Variants in UNC13C observed in about 807,000 individuals in gnomAD.
The protein encoded by UNC13C is protein unc-13 homolog C.
UNC13C carries 174 observed loss-of-function variants against 245.4 expected under a neutral mutation model. The observed-to-expected ratio is 0.71, with a 90% CI of 0.63 to 0.80. The LOEUF (loss-of-function observed/expected upper bound fraction) is 0.80, where lower values mean the gene tolerates loss of function less well. Among genes scored for constraint, UNC13C ranks in the 30% least tolerant of loss-of-function variants. The probability of loss-of-function intolerance (pLI) is 0.00; values close to 1 mark genes in which losing one functional copy is unlikely to be tolerated. For missense variants in UNC13C, 2,829 were observed against 2,602.9 expected, an observed-to-expected ratio of 1.09 and a Z score of -1.89; for synonymous variants, 992 against 895.1, an observed-to-expected ratio of 1.11 and a Z score of -1.93.
rs776138643 is a variant in UNC13C, at chr15:54,626,982, C to CTGAAAAATATCTCTATGGA, written c.6520_6538dup (p.Thr2180LysfsTer6). ...AAGCTATGGGGCATGGTATCCTCTTCTGAAAAATATCTCTATGGATGAAAC... is the reference window on the plus strand; with the variant it reads ...AAGCTATGGGGCATGGTATCCTCTTCTGAAAAATATCTCTATGGATGAAAAATATCTCTATGGATGAAAC... On this transcript the variant is annotated frameshift_variant, in exon 33 of 33. Transcript: ENST00000260323. LOFTEE classifies it high-confidence loss of function. The CTGAAAAATATCTCTATGGA allele has an allele frequency of 6.2e-7, 1 of 1,613,400 alleles. No individual in the cohort carries two copies. The highest frequency in any genetic ancestry group is 1.1e-5 in the South Asian group (1 of 91,068).
chr15:54,566,209 C>A (rs1304162470), intron 29 of UNC13C, among the ~76,000 whole-genome samples: 1 of 151,984 alleles, frequency 6.6e-6, no homozygotes, highest in Admixed American at 6.6e-5. Flanking sequence ...GAGTCAAGAC[C>A]AATCTATATT....
At chr15:54,509,325 T>A (rs1566878160) in intron 23 of UNC13C, among the ~76,000 whole-genome samples, 1 of 152,246 alleles carries the variant, frequency 6.6e-6, no homozygotes, top group Non-Finnish European at 1.5e-5. Flanking sequence ...CATTTTAAAT[T>A]GGAAATGGGT....
chr15:54,442,026 A>G (rs1428367068), intron 19 of UNC13C, among the ~76,000 whole-genome samples: 1 of 151,852 alleles, frequency 6.6e-6, no homozygotes, highest in Non-Finnish European at 1.5e-5. Flanking sequence ...TTGACTTTGT[A>G]TCTTGTAATT....
chr15:54,132,535 G>T (rs1026557785), intron 2 of UNC13C, among the ~76,000 whole-genome samples: 1 of 152,174 alleles, frequency 6.6e-6, no homozygotes, highest in African/African-American at 2.4e-5. Flanking sequence ...GGAAGCATGT[G>T]CTCCTTATTA....
At chr15:54,236,121 AT>A (rs1473325604) in intron 5 of UNC13C, among the ~76,000 whole-genome samples, 2 of 152,070 alleles carry the variant, frequency 1.3e-5, no homozygotes, top group Non-Finnish European at 2.9e-5. Flanking sequence ...TGAAAAATAT[AT>A]TTTCCCCCAT....
chr15:54,078,032 G>A (rs1046753269), intron 2 of UNC13C, among the ~76,000 whole-genome samples: 1 of 152,012 alleles, frequency 6.6e-6, no homozygotes, highest in African/African-American at 2.4e-5. Context: ...ATGTCCATGT[G>A]TACTCATTGT....
chr15:54,157,444 A>G (rs1188810152), intron 4 of UNC13C, among the ~76,000 whole-genome samples: 2 of 152,180 alleles, frequency 1.3e-5, no homozygotes, highest in Admixed American at 1.3e-4. Flanking sequence ...GCACACATAG[A>G]AAATAATAGT....
chr15:54,375,453 G>A (rs902607148), intron 17 of UNC13C, among the ~76,000 whole-genome samples: 1 of 152,068 alleles, frequency 6.6e-6, no homozygotes, highest in Admixed American at 6.6e-5. Context: ...TCTAGCCAAC[G>A]GAGTACGGCA....
chr15:54,479,122 A>G (rs545741084), intron 19 of UNC13C, among the ~76,000 whole-genome samples: 1 of 152,142 alleles, frequency 6.6e-6, no homozygotes, highest in South Asian at 2.1e-4. Flanking sequence ...CCTTGAATAT[A>G]TATGCTGTCC....
rs192656383 is a variant in UNC13C at position 54,054,532 on chromosome 15, T to C, written c.2983+38646T>C. ...AACATGCTGATATACCATTGCAGAA[T>C]CAAGAAGATAGGATCATTAAGCTGG... On this transcript the variant is annotated intron_variant, in intron 2 of 32. Transcript: ENST00000260323. Among the ~76,000 whole-genome samples the C allele has an allele frequency of 6.9e-3, 1,045 of 152,236 alleles. 10 individuals are homozygous for C. Among genetic ancestry groups the C allele is most frequent in the African/African-American group, 0.024 (1,006 of 41,510 alleles).
chr15:54,620,694 G>C (rs116600323), intron 30 of UNC13C, among the ~76,000 whole-genome samples: 197 of 151,516 alleles, frequency 1.3e-3, no homozygotes, highest in African/African-American at 4.5e-3. Context: ...GCTGAGGTGG[G>C]AGAATCACCT....
At chr15:54,507,468 C>T (rs1183655617) in intron 23 of UNC13C, among the ~76,000 whole-genome samples, 3 of 152,000 alleles carry the variant, frequency 2.0e-5, no homozygotes, top group Non-Finnish European at 4.4e-5. Flanking sequence ...TAAACATACT[C>T]ATAAAATACT....
At chr15:54,307,545 G>A (rs1030906259) in intron 13 of UNC13C, among the ~76,000 whole-genome samples, 1 of 151,920 alleles carries the variant, frequency 6.6e-6, no homozygotes, top group South Asian at 2.1e-4. Flanking sequence ...TCTCTAGTAA[G>A]CTCCTGATTT....
chr15:53,851,038 C>T, the UNC13C span, among the ~76,000 whole-genome samples: 1 of 151,654 alleles, frequency 6.6e-6, no homozygotes, highest in African/African-American at 2.4e-5. Flanking sequence ...AGTATGTTCT[C>T]TTTCGTATCT....
At chr15:54,067,508 G>T (rs1047419024) in intron 2 of UNC13C, among the ~76,000 whole-genome samples, 1 of 152,200 alleles carries the variant, frequency 6.6e-6, no homozygotes, top group Non-Finnish European at 1.5e-5. Context: ...GACAGGTAAA[G>T]CTTGTCTCTA....
intron 13 of UNC13C, among the ~76,000 whole-genome samples, chr15:54,300,755 A>C (rs993732706): frequency 2.6e-5 from 4 of 152,202 alleles, no homozygotes; most frequent in African/African-American, 9.6e-5. Context: ...AAAGTTTGAG[A>C]GCCAGTGACT....
intron 29 of UNC13C, among the ~76,000 whole-genome samples, chr15:54,564,973 C>T (rs1347823394): frequency 6.6e-6 from 1 of 151,930 alleles, no homozygotes; most frequent in Non-Finnish European, 1.5e-5. Flanking sequence ...AGTGCCGAGA[C>T]TCCCAGGGTT....
At chr15:54,011,577 T>G (rs1227562364) in intron 1 of UNC13C, among the ~76,000 whole-genome samples, 1 of 152,180 alleles carries the variant, frequency 6.6e-6, no homozygotes, top group African/African-American at 2.4e-5. Flanking sequence ...TTAAATTAAC[T>G]CAAAAGTAAA....
At chr15:54,202,602 T>C (rs552465903) in intron 4 of UNC13C, among the ~76,000 whole-genome samples, 24 of 152,090 alleles carry the variant, frequency 1.6e-4, no homozygotes, top group African/African-American at 5.8e-4. Context: ...ACTGGGATAA[T>C]TGGCAAGCCA....
Sources: allele counts gnomAD v4.1 joint callset (sites outside exome capture counted in the v4.1 genomes callset), GRCh38; gene constraint gnomAD v4.1.1; transcripts MANE v1.5; gene names NCBI Gene and HGNC (gene_info 2026-07-23, HGNC 2026-07-21).